Variants in SRBD1 observed in about 807,000 individuals in gnomAD.
The protein encoded by SRBD1 is S1 RNA-binding domain-containing protein 1.
In SRBD1, 88 loss-of-function variants were observed where a neutral mutation model predicts 115.3. That is an observed-to-expected ratio of 0.76 (90% CI 0.64 to 0.91). The LOEUF is 0.91. Ranked by LOEUF, SRBD1 falls within the 40% of genes least tolerant of loss-of-function variation. SRBD1 has a pLI of 0.00. For synonymous variants in SRBD1, 509 were observed against 407.7 expected (o/e 1.25, Z -2.99); for missense variants, 1,385 against 1,177.4 (o/e 1.18, Z -2.58).
chr2:45,391,294 T>C (rs1666991718), intron 20 of SRBD1, among the ~76,000 whole-genome samples: 1 of 152,220 alleles, frequency 6.6e-6, no homozygotes, highest in Admixed American at 6.5e-5. Context: ...GGACTGCTTC[T>C]AATAAACCCA....
intron 16 of SRBD1, among the ~76,000 whole-genome samples, chr2:45,461,121 G>C (rs990725314): frequency 6.6e-6 from 1 of 152,160 alleles, no homozygotes; most frequent in African/African-American, 2.4e-5. Context: ...ACTCTCCTGG[G>C]GAAGTGTTAT....
intron 16 of SRBD1, among the ~76,000 whole-genome samples, chr2:45,454,636 G>T (rs967534063): frequency 2.0e-5 from 3 of 151,726 alleles, no homozygotes; most frequent in African/African-American, 7.3e-5. Context: ...CACTCTGCTT[G>T]CAGGTAAAAA....
intron 15 of SRBD1, among the ~76,000 whole-genome samples, chr2:45,485,950 G>C (rs1235489449): frequency 6.6e-6 from 1 of 152,150 alleles, no homozygotes; most frequent in Non-Finnish European, 1.5e-5. Context: ...AAGTTTCTAG[G>C]TATATATTAA....
intron 1 of SRBD1, among the ~76,000 whole-genome samples, chr2:45,610,139 G>A (rs1333886415): frequency 6.6e-6 from 1 of 152,116 alleles, no homozygotes; most frequent in Non-Finnish European, 1.5e-5. Context: ...ATCACTGTAG[G>A]CACATGAGCA....
At chr2:45,490,578 G>C (rs951992983) in intron 14 of SRBD1, among the ~76,000 whole-genome samples, 4 of 152,072 alleles carry the variant, frequency 2.6e-5, no homozygotes, top group African/African-American at 9.7e-5. Flanking sequence ...TCTCACCACA[G>C]ATTTATTTTC....
At position 45,562,733 on chromosome 2, in the gene SRBD1, T is replaced by C; in HGVS notation, c.1329A>G (p.Glu443=). The C allele has an allele frequency of 6.2e-7, 1 of 1,608,742 alleles. No individual in the cohort carries two copies. Among genetic ancestry groups the C allele is most frequent in the Admixed American group, 1.7e-5 (1 of 58,318 alleles). ...CCTTAACCGTCAGTACCTTCAAATT[T>C]TCTCCACGGTTAATTGCCAGAATCT... ...HHQILAINRG[E]NLKVLTVKVN... is the part of the protein sequence containing the mutation. The change falls in exon 10 of 21, where the codon GAA becomes GAG. Residue 443 remains glutamate (E), a synonymous_variant. Coordinates refer to ENST00000263736, the MANE Select transcript of SRBD1 (RefSeq NM_018079.5).
chr2:45,428,811 A>C (rs961593105), intron 16 of SRBD1, among the ~76,000 whole-genome samples: 6 of 152,172 alleles, frequency 3.9e-5, no homozygotes, highest in African/African-American at 1.4e-4. Context: ...GAAATAACTT[A>C]AGATCAGACC....
chr2:45,542,981 A>G (rs1362705925), intron 14 of SRBD1, among the ~76,000 whole-genome samples: 4 of 152,240 alleles, frequency 2.6e-5, no homozygotes, highest in African/African-American at 9.6e-5. Flanking sequence ...GTATAAATCT[A>G]AAAAACACAA....
intron 16 of SRBD1, among the ~76,000 whole-genome samples, chr2:45,455,044 T>A (rs1444421154): frequency 6.6e-6 from 1 of 151,824 alleles, no homozygotes; most frequent in Non-Finnish European, 1.5e-5. Context: ...TCTCCTTGTG[T>A]ACACCCACCA....
At chr2:45,556,444 A>C (rs1305547434) in intron 10 of SRBD1, among the ~76,000 whole-genome samples, 1 of 120,662 alleles carries the variant, frequency 8.3e-6, no homozygotes. Context: ...TCTATGCTCT[A>C]TTACTTTTTT....
chr2:45,449,563 C>T (rs1040596641), intron 16 of SRBD1, among the ~76,000 whole-genome samples: 7 of 152,098 alleles, frequency 4.6e-5, no homozygotes, highest in African/African-American at 1.7e-4. Flanking sequence ...TTTCAAGTAT[C>T]TAAGCTGTAT....
At chr2:45,449,239 C>A (rs2103736489) in intron 16 of SRBD1, among the ~76,000 whole-genome samples, 1 of 152,230 alleles carries the variant, frequency 6.6e-6, no homozygotes, top group Admixed American at 6.5e-5. Flanking sequence ...CAAAACAAAG[C>A]AGGACATTTT....
At position 45,551,197 on chromosome 2, in the gene SRBD1, G is replaced by C. The variant is rs1373585951; in HGVS notation, c.1603C>G (p.Pro535Ala). Residue 535 changes from proline (P) to alanine (A), a missense_variant, in exon 12 of 21, where the codon CCA (proline) becomes GCA (alanine). Coordinates refer to ENST00000263736, the MANE Select transcript of SRBD1 (RefSeq NM_018079.5). ...TCCACTCCCATTAAGGTGCGCCCTG[G>C]AACAGGGCTTGTTAAAAGGAGCTGA... ...LRQLLLTSPV[P>A]GRTLMGVDPG... The C allele has an allele frequency of 1.2e-6, 2 of 1,613,106 alleles. No homozygotes were observed. Among genetic ancestry groups the C allele is most frequent in the South Asian group, 1.1e-5 (1 of 90,774 alleles).
intron 1 of SRBD1, among the ~76,000 whole-genome samples, chr2:45,610,872 G>T (rs1381307707): frequency 6.6e-6 from 1 of 151,728 alleles, no homozygotes; most frequent in African/African-American, 2.4e-5. Context: ...AGCTTGCAGT[G>T]AGCCGAGATC....
chr2:45,473,090 C>T (rs1669699495), intron 16 of SRBD1, among the ~76,000 whole-genome samples: 1 of 151,704 alleles, frequency 6.6e-6, no homozygotes, highest in Non-Finnish European at 1.5e-5. Flanking sequence ...ATTCCTATCT[C>T]CTTATATTTT....
At chr2:45,439,611 C>T (rs1424643221) in intron 16 of SRBD1, among the ~76,000 whole-genome samples, 1 of 151,422 alleles carries the variant, frequency 6.6e-6, no homozygotes, top group Non-Finnish European at 1.5e-5. Context: ...AGAAAAGGAA[C>T]AAGAAATGAT....
At chr2:45,412,428 AT>A (rs552562978) in intron 19 of SRBD1, among the ~76,000 whole-genome samples, 40 of 152,244 alleles carry the variant, frequency 2.6e-4, no homozygotes, top group Admixed American at 7.8e-4. Context: ...AAATAATCAA[AT>A]ATAAGTGATT....
intron 9 of SRBD1, among the ~76,000 whole-genome samples, chr2:45,566,654 T>G (rs1672839399): frequency 1.3e-5 from 2 of 152,210 alleles, no homozygotes; most frequent in Non-Finnish European, 2.9e-5. Context: ...AATGGTTGCA[T>G]TAAATGCAAT....
At chr2:45,605,263 T>C in intron 2 of SRBD1, 99 bp downstream of exon 2, 1 of 1,221,904 alleles carries the variant, frequency 8.2e-7, no homozygotes, top group Non-Finnish European at 1.1e-6. Context: ...AAGTTTTTTC[T>C]ACCCACATCA....
Sources: gnomAD v4.1 joint callset for allele counts (sites outside exome capture counted in the v4.1 genomes callset) on GRCh38, gnomAD v4.1.1 for gene constraint, MANE v1.5 for transcripts, NCBI Gene and HGNC (gene_info 2026-07-23, HGNC 2026-07-21) for gene names.